CPQ: variants seen among roughly 807,000 people sequenced by gnomAD.
The protein encoded by CPQ is carboxypeptidase Q.
In CPQ, 37 loss-of-function variants were observed where a neutral mutation model predicts 45.7. That is an observed-to-expected ratio of 0.81 (90% CI 0.62 to 1.07). The LOEUF is 1.07. Ranked by LOEUF, CPQ falls within the 50% of genes least tolerant of loss-of-function variation. The pLI, the probability that CPQ is intolerant of heterozygous loss-of-function variation, is 0.00. For synonymous variants in CPQ, 186 were observed against 205.8 expected (o/e 0.90, Z 0.82); for missense variants, 537 against 572.9 (o/e 0.94, Z 0.64).
intron 1 of CPQ, among the ~76,000 whole-genome samples, chr8:96,698,772 A>G (rs1026405279): frequency 1.3e-5 from 2 of 152,236 alleles, no homozygotes; most frequent in African/African-American, 2.4e-5. Context: ...AATAAAAACT[A>G]CAGTGAGATA....
chr8:96,900,414 A>T (rs1445993469), intron 4 of CPQ, among the ~76,000 whole-genome samples: 1 of 152,172 alleles, frequency 6.6e-6, no homozygotes, highest in Non-Finnish European at 1.5e-5. Flanking sequence ...CCTGTGTTAG[A>T]CATGGGTAAA....
intron 5 of CPQ, among the ~76,000 whole-genome samples, chr8:97,023,323 G>T (rs1809743082): frequency 6.6e-6 from 1 of 151,950 alleles, no homozygotes; most frequent in East Asian, 1.9e-4. Context: ...GGGACTCAGA[G>T]GGAAAGGGTG....
intron 1 of CPQ, among the ~76,000 whole-genome samples, chr8:96,654,462 A>G (rs867029793): frequency 3.9e-5 from 6 of 152,028 alleles, no homozygotes; most frequent in Middle Eastern, 3.2e-3. Flanking sequence ...TGTTCTCTCT[A>G]TCGGGGTTCT....
At chr8:96,705,215 A>C (rs921105687) in intron 1 of CPQ, among the ~76,000 whole-genome samples, 1 of 152,156 alleles carries the variant, frequency 6.6e-6, no homozygotes, top group African/African-American at 2.4e-5. Flanking sequence ...GACTCTATTT[A>C]ATTTACCATA....
intron 7 of CPQ, among the ~76,000 whole-genome samples, chr8:97,099,793 C>G (rs1811272989): frequency 6.6e-6 from 1 of 152,206 alleles, no homozygotes; most frequent in Non-Finnish European, 1.5e-5. Flanking sequence ...GGAAACCAAT[C>G]TCCAGGCAGT....
chr8:96,813,174 A>G (rs1811181094), intron 2 of CPQ, among the ~76,000 whole-genome samples: 1 of 152,076 alleles, frequency 6.6e-6, no homozygotes, highest in Non-Finnish European at 1.5e-5. Flanking sequence ...AACTTTTACC[A>G]CTTCCTAACT....
intron 4 of CPQ, among the ~76,000 whole-genome samples, chr8:96,950,029 A>C (rs1412240141): frequency 2.0e-5 from 3 of 152,126 alleles, no homozygotes; most frequent in African/African-American, 7.2e-5. Flanking sequence ...TGTTGACCAG[A>C]AGTCTCACCA....
chr8:96,725,690 C>T (rs1251132018), intron 1 of CPQ, among the ~76,000 whole-genome samples: 2 of 152,142 alleles, frequency 1.3e-5, no homozygotes, highest in African/African-American at 4.8e-5. Flanking sequence ...TCCCAAGAAA[C>T]TTAAAACAGA....
intron 6 of CPQ, among the ~76,000 whole-genome samples, chr8:97,043,290 C>T (rs956694352): frequency 3.3e-5 from 5 of 151,220 alleles, no homozygotes; most frequent in Admixed American, 3.3e-4. Flanking sequence ...TCTGTTTTAT[C>T]AGAGACTAGG....
chr8:96,678,853 CT>C (rs1281704927), intron 1 of CPQ, among the ~76,000 whole-genome samples: 7 of 141,224 alleles, frequency 5.0e-5, no homozygotes, highest in Admixed American at 7.6e-5. Flanking sequence ...AATATTTTCT[CT>C]CATACTGCAG....
intron 1 of CPQ, among the ~76,000 whole-genome samples, chr8:96,723,490 A>G (rs1007107603): frequency 3.9e-5 from 6 of 152,142 alleles, no homozygotes; most frequent in African/African-American, 1.4e-4. Flanking sequence ...AGAGAGCCCA[A>G]TTTATAAAAC....
At chr8:97,121,052 G>A (rs1028571094) in intron 7 of CPQ, among the ~76,000 whole-genome samples, 1 of 152,148 alleles carries the variant, frequency 6.6e-6, no homozygotes, top group East Asian at 1.9e-4. Context: ...CATGTCACAA[G>A]CTGCTATATT....
intron 1 of CPQ, among the ~76,000 whole-genome samples, chr8:96,704,830 T>C (rs945865549): frequency 3.9e-5 from 6 of 152,148 alleles, no homozygotes; most frequent in African/African-American, 1.4e-4. Context: ...AGGTGTTCAG[T>C]CTGGGAAATC....
At chr8:96,841,438 A>G (rs1811607177) in intron 3 of CPQ, among the ~76,000 whole-genome samples, 1 of 152,342 alleles carries the variant, frequency 6.6e-6, no homozygotes, top group East Asian at 1.9e-4. Context: ...TTCAAAAGGT[A>G]ACTCTACTGA....
intron 6 of CPQ, among the ~76,000 whole-genome samples, chr8:97,036,359 A>G (rs942731315): frequency 3.9e-5 from 6 of 152,222 alleles, no homozygotes; most frequent in Non-Finnish European, 7.3e-5. Context: ...TTGATAAATT[A>G]CATTTTTTAA....
At chr8:97,084,575 G>A (rs910082666) in intron 7 of CPQ, among the ~76,000 whole-genome samples, 34 of 152,078 alleles carry the variant, frequency 2.2e-4, no homozygotes, top group African/African-American at 8.0e-4. Flanking sequence ...CTGTGTTTCC[G>A]GTCTTTTGGC....
At chr8:96,891,114 A>C (rs779562171) in intron 4 of CPQ, among the ~76,000 whole-genome samples, 2 of 152,236 alleles carry the variant, frequency 1.3e-5, no homozygotes, top group South Asian at 2.1e-4. Context: ...TTCCATGAGC[A>C]TGCACACATT....
At chr8:97,038,823 TA>T (rs1810049520) in intron 6 of CPQ, among the ~76,000 whole-genome samples, 1 of 49,142 alleles carries the variant, frequency 2.0e-5, no homozygotes, top group African/African-American at 6.6e-5. Context: ...AAACCGTATT[TA>T]CAAAAAAAAA....
intron 7 of CPQ, among the ~76,000 whole-genome samples, chr8:97,089,828 C>A (rs1351488850): frequency 6.6e-6 from 1 of 152,088 alleles, no homozygotes; most frequent in Non-Finnish European, 1.5e-5. Flanking sequence ...GGTTAACAAT[C>A]TCCTGTACAG....
Sources: allele counts gnomAD v4.1 joint callset (sites outside exome capture counted in the v4.1 genomes callset), GRCh38; gene constraint gnomAD v4.1.1; transcripts MANE v1.5; gene names NCBI Gene and HGNC (gene_info 2026-07-23, HGNC 2026-07-21).